TFEB: variants seen among roughly 807,000 people sequenced by gnomAD.
TFEB encodes T-cell transcription factor EB.
TFEB carries 12 observed loss-of-function variants against 48.0 expected under a neutral mutation model. The observed-to-expected ratio is 0.25, with a 90% CI of 0.16 to 0.40. The LOEUF is 0.40. Ranked by LOEUF, TFEB falls within the 10% of genes least tolerant of loss-of-function variation. The pLI, the probability that TFEB is intolerant of heterozygous loss-of-function variation, is 1.00. For synonymous variants in TFEB, 244 were observed against 261.4 expected (o/e 0.93, Z 0.64); for missense variants, 509 against 640.3 (o/e 0.79, Z 2.21).
At chr6:41,695,308 T>C (rs1290512295) in intron 1 of TFEB, among the ~76,000 whole-genome samples, 1 of 152,204 alleles carries the variant, frequency 6.6e-6, no homozygotes, top group East Asian at 1.9e-4. Context: ...GCCTTGCCTG[T>C]CAGTCATTTA....
chr6:41,684,399 A>T lies in TFEB; in HGVS notation c.*200T>A. 3.7e-6 allele frequency: 2 copies of T among 535,304 alleles called. No individual in the cohort carries two copies. Among genetic ancestry groups the T allele is most frequent in the Non-Finnish European group, 5.9e-6 (2 of 336,452 alleles). The allele number at this position is 535,304 out of a possible 1,614,324, so 33.2% of individuals were successfully genotyped here. ...GCCTCTTCCCACTGCGCCAGTCAAG[A>T]GGGCTGCCCTGGGGGTGCTTCTCCT... On this transcript the variant is annotated 3_prime_UTR_variant, in exon 9 of 9. Transcript: ENST00000373033.
Position 41,724,586 on chromosome 6 carries a change from T to C in TFEB, c.-23+10764A>G, listed in dbSNP as rs186630247. Among the ~76,000 whole-genome samples, 71 of 152,130 alleles carry C rather than the reference T, an allele frequency of 4.7e-4. No individual in the cohort carries two copies. Among genetic ancestry groups the C allele is most frequent in the African/African-American group, 1.7e-3 (71 of 41,508 alleles). ...AGGATGAGTAGGAGCCAGGCCTGGG[T>C]GTGCAGAGCCCCCAGGGAGGACCTC... On this transcript the variant is annotated intron_variant, in intron 1 of 8. Transcript: ENST00000373033. The surrounding 1 kb of genome is among the most constrained non-coding windows in gnomAD (Gnocchi z 4.4).
chr6:41,697,444 TAAA>T (rs1769658491), intron 1 of TFEB, among the ~76,000 whole-genome samples: 2 of 131,534 alleles, frequency 1.5e-5, no homozygotes, highest in Non-Finnish European at 3.1e-5. Flanking sequence ...GGGCAGACGT[TAAA>T]TAGTTTAAAA....
At chr6:41,726,687 C>T (rs1183815138) in intron 1 of TFEB, among the ~76,000 whole-genome samples, 1 of 152,180 alleles carries the variant, frequency 6.6e-6, no homozygotes, top group Non-Finnish European at 1.5e-5. Flanking sequence ...GATCTGCCTG[C>T]CTTAGCCTCA....
chr6:41,688,023 G>A lies in TFEB; in HGVS notation c.555C>T (p.Pro185=). The part of the protein sequence containing the change: ...NPEMQMPNTL[P]LSSSHLNVYS... ...ACACATTCAGGTGGCTGCTGGACAG[G>A]GGTAGCTGTGGGGTAGGGGGTGAGG... Residue 185 remains proline, a synonymous_variant, in exon 5 of 9, where the codon CCC becomes CCT. Coordinates refer to ENST00000373033, the MANE Select transcript of TFEB (RefSeq NM_001271944.2). The A allele has an allele frequency of 6.2e-7, 1 of 1,610,222 alleles. No homozygotes were observed. The highest frequency in any genetic ancestry group is 8.5e-7 in the Non-Finnish European group (1 of 1,177,522).
In TFEB at chr6:41,691,565, A is replaced by T; in HGVS notation, c.-22-330T>A. 1 of 520,948 alleles carries T rather than the reference A, an allele frequency of 1.9e-6. No individual in the cohort carries two copies. The highest frequency in any genetic ancestry group is 3.6e-6 in the Non-Finnish European group (1 of 280,606). The allele number at this position is 520,948 out of a possible 1,614,324, so 32.3% of individuals were successfully genotyped here. A position where few individuals can be genotyped will look rare whatever the true frequency, so the allele number is the denominator to read the frequency against. ...TCCTGTTAGATCCGACCTCATATCCACCCTCCTTTGCTGCCACAAGGTGGG... is the reference window on the plus strand; with the variant it reads ...TCCTGTTAGATCCGACCTCATATCCTCCCTCCTTTGCTGCCACAAGGTGGG... On this transcript the variant is annotated intron_variant, in intron 1 of 8. Coordinates refer to ENST00000373033, the MANE Select transcript of TFEB (RefSeq NM_001271944.2). This position sits in a 1 kb window ranked among gnomAD's most constrained non-coding sequence, Gnocchi z 5.2.
intron 1 of TFEB, among the ~76,000 whole-genome samples, chr6:41,712,359 C>G (rs1770520285): frequency 6.6e-6 from 1 of 152,134 alleles, no homozygotes; most frequent in Admixed American, 6.5e-5. Context: ...GGCACCGTGC[C>G]TTTTCCTGAG....
Position 41,691,430 on chromosome 6 carries a change from G to C in TFEB, c.-22-195C>G. The C allele has an allele frequency of 2.7e-6, 2 of 730,774 alleles. No homozygotes were observed. The highest frequency in any genetic ancestry group is 5.0e-6 in the Non-Finnish European group (2 of 398,492). 45.3% of individuals were successfully genotyped at this position (730,774 alleles called of 1,614,324 possible). On this transcript the variant is annotated intron_variant, in intron 1 of 8. Coordinates refer to ENST00000373033, the MANE Select transcript of TFEB (RefSeq NM_001271944.2). This position sits in a 1 kb window ranked among gnomAD's most constrained non-coding sequence, Gnocchi z 5.2. Reference sequence around the variant, plus strand: ...GCTGAGACATGAATCCAAGTTTCCTGGTTCCTGGACCAAAACTGAAGGTTC... The same window carrying C: ...GCTGAGACATGAATCCAAGTTTCCTCGTTCCTGGACCAAAACTGAAGGTTC...
upstream of TFEB, chr6:41,735,659 G>T (rs2127284860): frequency 2.6e-6 from 2 of 757,362 alleles, no homozygotes; most frequent in East Asian, 1.3e-4. Context: ...CCGCCTCCCA[G>T]CCGCTCTGCC....
chr6:41,734,357 C>G lies in TFEB; in HGVS notation c.-23+993G>C. ...CGCGCCAGGCGGCTGCGGCGCGAACCTGCTCGCGCAGCCCGGAGCAGCTCG... is the reference window on the plus strand; with the variant it reads ...CGCGCCAGGCGGCTGCGGCGCGAACGTGCTCGCGCAGCCCGGAGCAGCTCG... On this transcript the variant is annotated intron_variant, in intron 1 of 8. Coordinates refer to ENST00000373033, the MANE Select transcript of TFEB (RefSeq NM_001271944.2). This position sits in a 1 kb window ranked among gnomAD's most constrained non-coding sequence, Gnocchi z 4.0. The G allele has an allele frequency of 1.0e-6, 1 of 984,820 alleles. No homozygotes were observed. The highest frequency in any genetic ancestry group is 1.2e-6 in the Non-Finnish European group (1 of 829,668). 61.0% of individuals were successfully genotyped at this position (984,820 alleles called of 1,614,324 possible).
chr6:41,696,447 C>A (rs1001468344), intron 1 of TFEB, among the ~76,000 whole-genome samples: 3 of 152,194 alleles, frequency 2.0e-5, no homozygotes, highest in Non-Finnish European at 4.4e-5. Flanking sequence ...AATCCCAGCA[C>A]TTTGGGAGGC....
intron 1 of TFEB, among the ~76,000 whole-genome samples, chr6:41,718,451 C>T (rs927615484): frequency 6.6e-6 from 1 of 152,116 alleles, no homozygotes; most frequent in Non-Finnish European, 1.5e-5. Flanking sequence ...AGGCTGAAGT[C>T]TCCCGCCTCA....
intron 1 of TFEB, among the ~76,000 whole-genome samples, chr6:41,714,520 C>T (rs1041140449): frequency 6.6e-6 from 1 of 152,234 alleles, no homozygotes; most frequent in African/African-American, 2.4e-5. Context: ...GAAAATTCAT[C>T]ACCAGATCAG....
intron 1 of TFEB, among the ~76,000 whole-genome samples, chr6:41,710,910 T>A (rs1770446025): frequency 6.6e-6 from 1 of 152,176 alleles, no homozygotes; most frequent in African/African-American, 2.4e-5. Context: ...TGGGCACAAT[T>A]ACTTACTCTG....
chr6:41,708,470 C>G (rs1218029796), intron 1 of TFEB, among the ~76,000 whole-genome samples: 1 of 152,228 alleles, frequency 6.6e-6, no homozygotes, highest in Non-Finnish European at 1.5e-5. Flanking sequence ...CCTTCCCCAC[C>G]ACCTCTTAGC....
chr6:41,734,324 G>A lies in TFEB; in HGVS notation c.-23+1026C>T. 2 of 984,042 alleles carry A rather than the reference G, an allele frequency of 2.0e-6. No homozygotes were observed. The highest frequency in any genetic ancestry group is 4.7e-5 in the South Asian group (1 of 21,268). The allele number at this position is 984,042 out of a possible 1,614,324, so 61.0% of individuals were successfully genotyped here. On this transcript the variant is annotated intron_variant, in intron 1 of 8. Coordinates refer to ENST00000373033, the MANE Select transcript of TFEB (RefSeq NM_001271944.2). The surrounding 1 kb of genome is among the most constrained non-coding windows in gnomAD (Gnocchi z 4.0). The stretch of plus-strand genomic sequence containing the variant: ...CCTCCCTTCCTCACCCGGGGCGCGG[G>A]GCTGGGGCGCGCCAGGCGGCTGCGG...
intron 1 of TFEB, among the ~76,000 whole-genome samples, chr6:41,706,592 C>T (rs755543165): frequency 3.3e-5 from 5 of 151,860 alleles, no homozygotes; most frequent in African/African-American, 4.8e-5. Context: ...ATGCTGTCAG[C>T]TGCCCTAGAC....
chr6:41,717,248 G>A (rs560068663), intron 1 of TFEB, among the ~76,000 whole-genome samples: 3 of 152,302 alleles, frequency 2.0e-5, no homozygotes, highest in African/African-American at 7.2e-5. Flanking sequence ...AGAGGCAGCA[G>A]TACACTGAAA....
At chr6:41,706,920 C>T (rs956916941) in intron 1 of TFEB, among the ~76,000 whole-genome samples, 1 of 152,146 alleles carries the variant, frequency 6.6e-6, no homozygotes, top group Admixed American at 6.5e-5. Flanking sequence ...AAGCACTCTG[C>T]CTTTACCAGG....
Sources: gnomAD v4.1 joint callset for allele counts (sites outside exome capture counted in the v4.1 genomes callset) on GRCh38, gnomAD v4.1.1 for gene constraint, Gnocchi (gnomAD v3.1) non-coding constraint, MANE v1.5 for transcripts, NCBI Gene and HGNC (gene_info 2026-07-23, HGNC 2026-07-21) for gene names.